Variants in PIDD1 observed in about 807,000 individuals in gnomAD.
The protein encoded by PIDD1 is p53-induced death domain protein 1.
A neutral mutation model predicts 80.0 loss-of-function variants in PIDD1; 72 were observed. The ratio of observed to expected loss-of-function variants is 0.90; its 90% CI spans 0.74 to 1.09. The LOEUF (loss-of-function observed/expected upper bound fraction) is 1.09, where lower values mean the gene tolerates loss of function less well. PIDD1 is among the 50% of genes least tolerant of loss of function. PIDD1 has a pLI of 0.00. For synonymous variants in PIDD1, 655 were observed against 543.5 expected, an observed-to-expected ratio of 1.21 and a Z score of -2.85; for missense variants, 1,329 against 1,228.3, an observed-to-expected ratio of 1.08 and a Z score of -1.23.
upstream of PIDD1, among the ~76,000 whole-genome samples, chr11:806,711 T>C (rs1166887335): frequency 6.6e-6 from 1 of 151,836 alleles, no homozygotes; most frequent in Non-Finnish European, 1.5e-5. Flanking sequence ...GCCTCCTGAG[T>C]AGCTGGGACT....
At position 803,217 on chromosome 11, in the gene PIDD1, G is replaced by C. The variant is rs767169015; in HGVS notation, c.666C>G (p.Leu222=). 5 of 1,611,534 alleles carry C rather than the reference G, an allele frequency of 3.1e-6. No individual in the cohort carries two copies. The South Asian group carries it at 5.5e-5, about 18-fold the overall frequency. The change falls in exon 3 of 16, where the codon CTC becomes CTG. Residue 222 remains leucine, a synonymous_variant. Transcript: ENST00000347755. ...EIGGLGSLLE[L]NLASNRLQSL... is the part of the protein sequence containing the mutation. ...TCTGCAGCCGGTTGGAGGCCAGGTT[G>C]AGCTCCAGGAGGCTGCCCAGGCCTC...
intron 7 of PIDD1, 68 bp downstream of exon 7, chr11:801,897 T>C (rs1865368291): frequency 3.2e-6 from 5 of 1,570,122 alleles, no homozygotes; most frequent in South Asian, 2.3e-5. Context: ...GGTGAGGCTC[T>C]GGGCAGAGGT....
rs1053092082 is a variant in PIDD1 at position 800,870 on chromosome 11, C to T, written c.1809G>A (p.Leu603=). 5.0e-6 allele frequency: 8 copies of T among 1,584,430 alleles called. No individual in the cohort carries two copies. The African/African-American group carries it at 9.4e-5, about 19-fold the overall frequency. ...GCAGCCGCTCCCAGGCCTTCCGAGC[C>T]AGGCCTCCCACACAGTTCTTGGTGG... ...WYTTKNCVGG[L]ARKAWERLRL... is the part of the protein sequence containing the mutation. The change falls in exon 11 of 16, where the codon CTG becomes CTA. Residue 603 remains leucine (L), a synonymous_variant. Coordinates refer to ENST00000347755, the MANE Select transcript of PIDD1 (RefSeq NM_145886.4).
At chr11:804,854 C>T (rs1865668694) in intron 1 of PIDD1, 1 of 156,738 alleles carries the variant, frequency 6.4e-6, no homozygotes, top group Admixed American at 6.5e-5. Flanking sequence ...CCGTGACCCT[C>T]CCCTACCGCG....
rs376999143 is a variant in PIDD1, at chr11:800,836, G to A, written c.1843C>T (p.Arg615Cys). 9.6e-6 allele frequency: 15 copies of A among 1,567,134 alleles called. No individual in the cohort carries two copies. The highest frequency in any genetic ancestry group is 3.8e-5 in the Admixed American group (2 of 52,608). The change falls in exon 11 of 16, where the codon CGT becomes TGT. Residue 615 changes from arginine to cysteine, a missense_variant. Coordinates refer to ENST00000347755, the MANE Select transcript of PIDD1 (RefSeq NM_145886.4). ...RKAWERLRLHRVNLIALQRRR... is the reference protein window; with the variant it reads ...RKAWERLRLHCVNLIALQRRR... ...CGCTGCAGAGCGATGAGGTTCACAC[G>A]GTGCAGCCGCAGCCGCTCCCAGGCC...
At position 799,843 on chromosome 11, in the gene PIDD1, C is replaced by T; in HGVS notation, c.2446G>A (p.Glu816Lys). The change falls in exon 15 of 16, where the codon GAG becomes AAG. Residue 816 changes from glutamate to lysine, a missense_variant. By Grantham distance (56) the Glu-to-Lys change is moderately conservative (BLOSUM62 1). Transcript: ENST00000347755. The part of the protein sequence containing the change: ...VALHLGVSYR[E>K]VQRIRHEFRD... ...AACTCGTGCCGGATGCGCTGCACCT[C>T]CCGGTAGGACACCCCCAGGTGCAGG... 5 of 1,604,464 alleles carry T rather than the reference C, an allele frequency of 3.1e-6. No individual in the cohort carries two copies. The highest frequency in any genetic ancestry group is 4.3e-6 in the Non-Finnish European group (5 of 1,176,412).
chr11:802,590 G>C lies in PIDD1; in HGVS notation c.927C>G (p.Ala309=), dbSNP rs199910653. The part of the protein sequence containing the change: ...SPDAPSSPVA[A]LIPEMPRLFL... ...ACAGTCTGGGCATTTCTGGAATGAG[G>C]GCTGCCACTGTGCAGGGGACAGACA... is the stretch of plus-strand genomic sequence containing the variant. The change falls in exon 5 of 16, where the codon GCC becomes GCG. Residue 309 remains alanine, a synonymous_variant. Transcript: ENST00000347755. 3 of 1,613,168 alleles carry C rather than the reference G, an allele frequency of 1.9e-6. No homozygotes were observed. The East Asian group carries it at 6.7e-5, about 36-fold the overall frequency.
chr11:802,968 A>T, intron 3 of PIDD1, 77 bp from the exon 4 acceptor site: 1 of 1,301,100 alleles, frequency 7.7e-7, no homozygotes, highest in Non-Finnish European at 1.1e-6. Flanking sequence ...CGCCTCCCAG[A>T]GCAGCTGTTT....
chr11:805,197 G>C lies in PIDD1; in HGVS notation c.-94C>G. On this transcript the variant is annotated 5_prime_UTR_variant, in exon 1 of 16. Coordinates refer to ENST00000347755, the MANE Select transcript of PIDD1 (RefSeq NM_145886.4). Reference sequence around the variant, plus strand: ...CGCGTACCTGCGCTGCAGGCGGCGCGCAAAGGGTGGCTGCTCAGCGGGCGC... The same window carrying C: ...CGCGTACCTGCGCTGCAGGCGGCGCCCAAAGGGTGGCTGCTCAGCGGGCGC... 2.0e-6 allele frequency: 2 copies of C among 982,904 alleles called. No individual in the cohort carries two copies. Among genetic ancestry groups the C allele is most frequent in the Non-Finnish European group, 2.4e-6 (2 of 827,708 alleles). The allele number at this position is 982,904 out of a possible 1,614,324, so 60.9% of individuals were successfully genotyped here.
upstream of PIDD1, chr11:805,356 C>T: frequency 2.3e-6 from 1 of 440,372 alleles, no homozygotes; most frequent in Non-Finnish European, 3.0e-6. Flanking sequence ...CGGCTCCTCC[C>T]CGACCCGCCT....
intron 13 of PIDD1, 21 bp downstream of exon 13, chr11:800,312 T>C (rs1478110943): frequency 1.2e-6 from 2 of 1,612,552 alleles, no homozygotes; most frequent in African/African-American, 2.7e-5. Context: ...GCCTCTCCCC[T>C]CACCCACTCC....
upstream of PIDD1, among the ~76,000 whole-genome samples, chr11:807,423 G>C (rs2133824826): frequency 6.6e-6 from 1 of 151,914 alleles, no homozygotes; most frequent in South Asian, 2.1e-4. Context: ...AGCTTGCAGT[G>C]AGCTGAGATT....
At position 800,954 on chromosome 11, in the gene PIDD1, AG is replaced by A. The variant is rs764903073; in HGVS notation, c.1766+30del. On this transcript the variant is annotated intron_variant, in intron 10 of 15. Coordinates refer to ENST00000347755, the MANE Select transcript of PIDD1 (RefSeq NM_145886.4). ...TGAGGAGGGCTGTACAGACTGGGGG[AG>A]GGGGGCTGAGAAAGCTGGGGGGCAC... The A allele has an allele frequency of 1.5e-5, 23 of 1,523,028 alleles. 1 individual carries two copies. In the South Asian group the frequency reaches 2.5e-4, roughly 17 times the overall value. The allele number at this position is 1,523,028 out of a possible 1,614,324, so 94.3% of individuals were successfully genotyped here. A position where few individuals can be genotyped will look rare whatever the true frequency, so the allele number is the denominator to read the frequency against.
chr11:801,754 G>C, intron 7 of PIDD1, 130 bp from the exon 8 acceptor site: 1 of 899,922 alleles, frequency 1.1e-6, no homozygotes, highest in Non-Finnish European at 1.7e-6. Context: ...CAGGATCCAG[G>C]AGGGACGGGG....
intron 3 of PIDD1, 84 bp from the exon 4 acceptor site, chr11:802,975 G>C: frequency 8.1e-7 from 1 of 1,229,248 alleles, no homozygotes; most frequent in Non-Finnish European, 1.1e-6. Flanking sequence ...CAGAGCAGCT[G>C]TTTCAGACTC....
In PIDD1 at chr11:801,329, G is replaced by T; in HGVS notation, c.1519C>A (p.Leu507Met). The change falls in exon 9 of 16, where the codon CTG (leucine) becomes ATG (methionine). Residue 507 changes from leucine to methionine, a missense_variant. Physicochemically the swap from Leu to Met is conservative, Grantham distance 15. Coordinates refer to ENST00000347755, the MANE Select transcript of PIDD1 (RefSeq NM_145886.4). ...CTCACTGCAGCCTCTGGTTCTCCCA[G>T]GAGGGCCTGCAGCTCTCGGCCAGCC... ...RMAGRELQAL[L>M]GEPEAAVSPL... 1 of 1,608,404 alleles carries T rather than the reference G, an allele frequency of 6.2e-7. No homozygotes were observed. The highest frequency in any genetic ancestry group is 8.5e-7 in the Non-Finnish European group (1 of 1,177,540).
At position 799,382 on chromosome 11, in the gene PIDD1, G is replaced by T. The variant is rs142372869; in HGVS notation, c.2658C>A (p.Arg886=). ...GRRKYQDSIR[R]MGLAPKDPAL... ...CGGGGTCCTTGGGGGCCAAGCCCAT[G>T]CGTCGGATGCTGTCCTGGTACTTGC... The change falls in exon 16 of 16, where the codon CGC becomes CGA. Residue 886 remains arginine (R), a synonymous_variant. Transcript: ENST00000347755. 1.4e-5 allele frequency: 23 copies of T among 1,611,848 alleles called. No homozygotes were observed. In the African/African-American group the frequency reaches 3.1e-4, roughly 21 times the overall value.
In PIDD1 at chr11:800,538, CCT is replaced by C; in HGVS notation, c.2041+3_2041+4del. On this transcript the variant is annotated splice_donor_region_variant and intron_variant, in intron 12 of 15. Coordinates refer to ENST00000347755, the MANE Select transcript of PIDD1 (RefSeq NM_145886.4). ...AGGGCAGGGAGCATCCACCAGCATC[CCT>C]ACCAGCATCCACGTCGATGCCGCGC... 6.2e-7 allele frequency: 1 copy of C among 1,609,772 alleles called. No individual in the cohort carries two copies. Among genetic ancestry groups the C allele is most frequent in the Non-Finnish European group, 8.5e-7 (1 of 1,179,510 alleles).
At chr11:805,273 ACCCCGCCCCTTGGG>A (rs1273697339), upstream of PIDD1, 15 of 959,034 alleles carry the variant, frequency 1.6e-5, no homozygotes, top group East Asian at 2.3e-4. Context: ...GGGACTGCAG[ACCCCGCCCCTTGGG>A]CCCCGCCCCC....
Sources: allele counts gnomAD v4.1 joint callset (sites outside exome capture counted in the v4.1 genomes callset), GRCh38; gene constraint gnomAD v4.1.1; transcripts MANE v1.5; gene names NCBI Gene and HGNC (gene_info 2026-07-23, HGNC 2026-07-21).